Variants in SHANK1 observed in about 807,000 individuals in gnomAD.
SHANK1 encodes the protein SH3 and multiple ankyrin repeat domains protein 1.
SHANK1 carries 35 observed loss-of-function variants against 165.6 expected under a neutral mutation model. The observed-to-expected ratio is 0.21, with a 90% CI of 0.16 to 0.28. The LOEUF is 0.28. Ranked by LOEUF, SHANK1 falls within the 10% of genes least tolerant of loss-of-function variation. SHANK1 has a pLI of 1.00. For synonymous variants in SHANK1, 1,428 were observed against 1,384.8 expected (o/e 1.03, Z -0.69); for missense variants, 2,681 against 3,036.4 (o/e 0.88, Z 2.75).
rs1319269043 is a variant in SHANK1, at chr19:50,660,159, A to C, written c.*1806T>G. ...GGGCAACGCCCTCCCCCCTTTACCC[A>C]CAGCAGGGGAGGGGGCTTTTCAGGG... is the stretch of plus-strand genomic sequence containing the variant. On this transcript the variant is annotated 3_prime_UTR_variant, in exon 24 of 24. Transcript: ENST00000293441. Among the ~76,000 whole-genome samples the C allele has an allele frequency of 6.7e-6, 1 of 149,558 alleles. No homozygotes were observed. The highest frequency in any genetic ancestry group is 1.5e-5 in the Non-Finnish European group (1 of 67,124).
At position 50,712,518 on chromosome 19, in the gene SHANK1, G is replaced by T. The variant is rs543735229; in HGVS notation, c.793-404C>A. 7.4e-3 allele frequency among the ~76,000 whole-genome samples: 1,126 copies of T among 152,340 alleles called. 13 individuals are homozygous for T. Among genetic ancestry groups the T allele is most frequent in the Non-Finnish European group, 0.011 (748 of 68,030 alleles). On this transcript the variant is annotated intron_variant, in intron 6 of 23. Transcript: ENST00000293441. Reference sequence around the variant, plus strand: ...TGGAGGGTCTCTGACCAAGTGGGAGGTGTTATTAGGTCCAGGATCTCAAAG... The same window carrying T: ...TGGAGGGTCTCTGACCAAGTGGGAGTTGTTATTAGGTCCAGGATCTCAAAG...
chr19:50,674,826 C>T (rs148925536), intron 21 of SHANK1, among the ~76,000 whole-genome samples: 2 of 152,200 alleles, frequency 1.3e-5, no homozygotes, highest in African/African-American at 4.8e-5. Flanking sequence ...CTTCGGGAGG[C>T]CAAGGTGGGC....
chr19:50,695,152 G>A (rs1250406023), intron 15 of SHANK1, among the ~76,000 whole-genome samples: 2 of 146,086 alleles, frequency 1.4e-5, no homozygotes, highest in Admixed American at 1.4e-4. Flanking sequence ...CGGGCCCCCA[G>A]GCCCCGCCTC....
At chr19:50,693,861 C>G (rs1986626945) in intron 15 of SHANK1, among the ~76,000 whole-genome samples, 1 of 152,242 alleles carries the variant, frequency 6.6e-6, no homozygotes, top group East Asian at 1.9e-4. Context: ...GCACAGACCC[C>G]CGGGGGCAAG....
At chr19:50,684,465 A>G (rs1442265962) in intron 21 of SHANK1, among the ~76,000 whole-genome samples, 2 of 152,176 alleles carry the variant, frequency 1.3e-5, no homozygotes, top group East Asian at 3.8e-4. Context: ...ACCTCAGGTG[A>G]TCAGCCCACT....
intron 15 of SHANK1, among the ~76,000 whole-genome samples, chr19:50,696,850 C>A (rs1986757197): frequency 6.6e-6 from 1 of 152,110 alleles, no homozygotes; most frequent in Non-Finnish European, 1.5e-5. Flanking sequence ...AGAGCCAGCC[C>A]CACAGTCATC....
At chr19:50,699,758 T>C (rs1986847209) in intron 12 of SHANK1, among the ~76,000 whole-genome samples, 1 of 144,206 alleles carries the variant, frequency 6.9e-6, no homozygotes, top group Admixed American at 7.0e-5. Context: ...CTGGGAGGAT[T>C]GGATGGCTTG....
At chr19:50,664,332 A>G (rs62112522) in intron 23 of SHANK1, among the ~76,000 whole-genome samples, 5,488 of 152,228 alleles carry the variant, frequency 0.036, 108 homozygotes, top group South Asian at 0.066. Flanking sequence ...CTCTAGGACT[A>G]GAAGGTCTTG....
chr19:50,666,917 C>G lies in SHANK1; in HGVS notation c.5043G>C (p.Arg1681=). 1 of 1,602,176 alleles carries G rather than the reference C, an allele frequency of 6.2e-7. No individual in the cohort carries two copies. The highest frequency in any genetic ancestry group is 1.7e-4 in the Middle Eastern group (1 of 6,046). ...TDSGIEEVDS[R]SSSDHPLETI... is the part of the protein sequence containing the mutation. ...TCTCCAGTGGGTGGTCACTGCTGCTCCGACTGTCCACCTCCTCGATGCCAG... is the reference window on the plus strand; with the variant it reads ...TCTCCAGTGGGTGGTCACTGCTGCTGCGACTGTCCACCTCCTCGATGCCAG... Residue 1681 remains arginine (R), a synonymous_variant, in exon 23 of 24, where the codon CGG becomes CGC. Coordinates refer to ENST00000293441, the MANE Select transcript of SHANK1 (RefSeq NM_016148.5).
chr19:50,683,087 C>T (rs760739563), intron 21 of SHANK1, among the ~76,000 whole-genome samples: 12 of 152,210 alleles, frequency 7.9e-5, no homozygotes, highest in Non-Finnish European at 1.6e-4. Context: ...CAGCCTCAGC[C>T]TTCCAAAGTG....
Position 50,716,211 on chromosome 19 carries a change from TG to T in SHANK1, c.459+63del, listed in dbSNP as rs578092833. 6,144 of 1,477,888 alleles carry T rather than the reference TG, an allele frequency of 4.2e-3. 20 individuals carry two copies. The highest frequency in any genetic ancestry group is 4.9e-3 in the Non-Finnish European group (5,237 of 1,061,116). 91.5% of individuals were successfully genotyped at this position (1,477,888 alleles called of 1,614,324 possible). ...GGTTTCGAGTGTGTTAAAAAGTGGG[TG>T]GGGGGCAGATGTGTTTTAGGGCATG... On this transcript the variant is annotated intron_variant, in intron 3 of 23. Transcript: ENST00000293441. The surrounding 1 kb of genome is among the most constrained non-coding windows in gnomAD (Gnocchi z 8.4).
At position 50,697,374 on chromosome 19, in the gene SHANK1, C is replaced by T. The variant is rs1986775328; in HGVS notation, c.1937+215G>A. Among the ~76,000 whole-genome samples, 2 of 152,184 alleles carry T rather than the reference C, an allele frequency of 1.3e-5. No individual in the cohort carries two copies. The highest frequency in any genetic ancestry group is 2.4e-5 in the African/African-American group (1 of 41,434). On this transcript the variant is annotated intron_variant, in intron 14 of 23. Coordinates refer to ENST00000293441, the MANE Select transcript of SHANK1 (RefSeq NM_016148.5). This position sits in a 1 kb window ranked among gnomAD's most constrained non-coding sequence, Gnocchi z 4.7. ...GCCCTGACCACCCCGTTGTCTCTGGCTACCCCAGAGCTGGGCAGTCTTAGT... is the reference window on the plus strand; with the variant it reads ...GCCCTGACCACCCCGTTGTCTCTGGTTACCCCAGAGCTGGGCAGTCTTAGT...
At chr19:50,671,488 T>A (rs891672533) in intron 22 of SHANK1, among the ~76,000 whole-genome samples, 5 of 75,996 alleles carry the variant, frequency 6.6e-5, no homozygotes, top group Admixed American at 5.3e-4. Flanking sequence ...CGGCCCACTC[T>A]TTTTTTTGTT....
rs796919361 is a variant in SHANK1, at chr19:50,660,722, T to TGGG, written c.*1240_*1242dup. On this transcript the variant is annotated 3_prime_UTR_variant, in exon 24 of 24. Transcript: ENST00000293441. Reference sequence around the variant, plus strand: ...GGCTTCCGGAGAGCACTGAAAATGCTGGGGGGGGGGGCGCGTGTGCAAAAG... The same window carrying TGGG: ...GGCTTCCGGAGAGCACTGAAAATGCTGGGGGGGGGGGGGGCGCGTGTGCAAAAG... 0.025 allele frequency among the ~76,000 whole-genome samples: 1,383 copies of TGGG among 54,382 alleles called. 94 individuals are homozygous for TGGG. Among genetic ancestry groups the TGGG allele is most frequent in the Non-Finnish European group, 0.029 (835 of 29,022 alleles). The allele number at this position is 54,382 out of a possible 152,430, so 35.7% of individuals were successfully genotyped here.
At chr19:50,715,592 A>G (rs1368518171) in intron 4 of SHANK1, 67 bp downstream of exon 4, 1 of 1,307,510 alleles carries the variant, frequency 7.6e-7, no homozygotes, top group East Asian at 2.5e-5. Flanking sequence ...GGGGAGAGAA[A>G]GTGGTTGGGT....
intron 8 of SHANK1, among the ~76,000 whole-genome samples, chr19:50,710,470 C>T (rs1222308887): frequency 6.6e-6 from 1 of 152,218 alleles, no homozygotes; most frequent in Non-Finnish European, 1.5e-5. Flanking sequence ...CATCAAGAAA[C>T]AGGTGGGGAG....
intron 23 of SHANK1, among the ~76,000 whole-genome samples, chr19:50,665,774 C>T (rs1379004665): frequency 1.5e-5 from 2 of 132,598 alleles, no homozygotes; most frequent in Non-Finnish European, 3.2e-5. Flanking sequence ...TGGCTCATGC[C>T]TGTAATCCCA....
chr19:50,674,324 C>T (rs1294633245), intron 21 of SHANK1, among the ~76,000 whole-genome samples: 2 of 152,086 alleles, frequency 1.3e-5, no homozygotes, highest in Admixed American at 6.5e-5. Flanking sequence ...GCCAGGTCAC[C>T]CCATGTGTCT....
chr19:50,681,201 G>A (rs752776459), intron 21 of SHANK1, among the ~76,000 whole-genome samples: 22 of 152,030 alleles, frequency 1.4e-4, no homozygotes, highest in Non-Finnish European at 2.6e-4. Flanking sequence ...CTCAGAGAGC[G>A]GGAAAGATAA....
Sources: allele counts gnomAD v4.1 joint callset (sites outside exome capture counted in the v4.1 genomes callset), GRCh38; gene constraint gnomAD v4.1.1; non-coding constraint Gnocchi (gnomAD v3.1); transcripts MANE v1.5; gene names NCBI Gene and HGNC (gene_info 2026-07-23, HGNC 2026-07-21).